Variants in SLC39A12 observed in about 807,000 individuals in gnomAD.
The protein encoded by SLC39A12 is zinc transporter ZIP12.
In SLC39A12, 63 loss-of-function variants were observed where a neutral mutation model predicts 71.1. The observed-to-expected ratio is 0.89, with a 90% confidence interval of 0.72 to 1.09. The LOEUF (loss-of-function observed/expected upper bound fraction) is 1.09. Among genes scored for constraint, SLC39A12 ranks in the 50% least tolerant of loss-of-function variants. The pLI is 0.00. For synonymous variants in SLC39A12, 351 were observed against 301.3 expected (o/e 1.16, Z -1.71); for missense variants, 892 against 812.6 (o/e 1.10, Z -1.19).
At chr10:18,003,121 G>A in intron 11 of SLC39A12, 50 bp from the exon 12 acceptor site, 1 of 1,552,864 alleles carries the variant, frequency 6.4e-7, no homozygotes, top group South Asian at 1.2e-5. Flanking sequence ...TTTAGCAAAG[G>A]CGTCTTCCAT....
At chr10:18,003,394 G>A in intron 12 of SLC39A12, 36 bp downstream of exon 12, 1 of 1,562,576 alleles carries the variant, frequency 6.4e-7, no homozygotes, top group Non-Finnish European at 8.7e-7. Flanking sequence ...ATTTTTCTAA[G>A]CACTGAAAAT....
intron 2 of SLC39A12, among the ~76,000 whole-genome samples, chr10:17,954,750 A>ATGCTTTC: frequency 6.6e-6 from 1 of 151,696 alleles, no homozygotes; most frequent in East Asian, 1.9e-4. Flanking sequence ...AAGCATACAT[A>ATGCTTTC]AATAAGTAAA....
chr10:18,013,348 TA>T (rs199940731), intron 12 of SLC39A12, among the ~76,000 whole-genome samples: 2,628 of 32,682 alleles, frequency 0.08, 79 homozygotes, highest in African/African-American at 0.17. Flanking sequence ...CAACTTTATT[TA>T]TTATTATTAT....
chr10:18,000,936 C>A, intron 11 of SLC39A12, 111 bp downstream of exon 11: 14 of 1,025,798 alleles, frequency 1.4e-5, no homozygotes, highest in Non-Finnish European at 2.0e-5. Context: ...AAGATGAATA[C>A]TTTCCTTTTA....
chr10:17,989,276 A>T (rs569258465), intron 7 of SLC39A12, among the ~76,000 whole-genome samples: 2 of 152,240 alleles, frequency 1.3e-5, no homozygotes, highest in African/African-American at 4.8e-5. Flanking sequence ...TCGAGGCTCA[A>T]TTGTTATTCA....
At chr10:17,985,897 A>G (rs1835385598) in intron 6 of SLC39A12, among the ~76,000 whole-genome samples, 2 of 152,198 alleles carry the variant, frequency 1.3e-5, no homozygotes, top group South Asian at 2.1e-4. Flanking sequence ...AGTCATTGCA[A>G]TCATCCAAAA....
intron 4 of SLC39A12, among the ~76,000 whole-genome samples, chr10:17,968,876 T>C (rs1834898523): frequency 6.6e-6 from 1 of 152,212 alleles, no homozygotes; most frequent in Admixed American, 6.5e-5. Context: ...TGTCGTGCTA[T>C]CAAATAATAG....
At chr10:18,042,518 T>C (rs1202701078) in intron 12 of SLC39A12, among the ~76,000 whole-genome samples, 187 bp from the exon 13 acceptor site, 1 of 139,778 alleles carries the variant, frequency 7.2e-6, no homozygotes, top group East Asian at 2.2e-4. Context: ...ATAACCACAA[T>C]CAAATGGCTT....
At chr10:18,036,289 T>C (rs1328105849) in intron 12 of SLC39A12, among the ~76,000 whole-genome samples, 6 of 152,240 alleles carry the variant, frequency 3.9e-5, no homozygotes, top group South Asian at 2.1e-4. Flanking sequence ...GCTGTGCCAG[T>C]AATCAGTGAG....
At chr10:18,002,904 C>G (rs1416848217) in intron 11 of SLC39A12, 1 of 305,028 alleles carries the variant, frequency 3.3e-6, no homozygotes. Context: ...ATCAAGAACT[C>G]AAGAATATGT....
chr10:17,985,561 C>A (rs1835377731), intron 6 of SLC39A12, among the ~76,000 whole-genome samples: 1 of 151,790 alleles, frequency 6.6e-6, no homozygotes, highest in Non-Finnish European at 1.5e-5. Context: ...AGTTTAATTT[C>A]ATAATTAGCT....
intron 5 of SLC39A12, among the ~76,000 whole-genome samples, chr10:17,979,800 T>C (rs115404843): frequency 0.019 from 2,832 of 152,244 alleles, 89 homozygotes; most frequent in African/African-American, 0.064. Flanking sequence ...CTGATTGAAC[T>C]AAATGGATGC....
intron 4 of SLC39A12, 92 bp downstream of exon 4, chr10:17,965,782 C>A: frequency 9.7e-7 from 1 of 1,031,776 alleles, no homozygotes. Context: ...TGACTGAATT[C>A]GTTCAGGTAT....
At chr10:18,031,251 T>G (rs1004369421) in intron 12 of SLC39A12, among the ~76,000 whole-genome samples, 18 of 144,938 alleles carry the variant, frequency 1.2e-4, no homozygotes, top group African/African-American at 1.3e-4. Flanking sequence ...TGAACTAGTT[T>G]ACAGTCCCAC....
intron 12 of SLC39A12, among the ~76,000 whole-genome samples, chr10:18,022,202 T>C (rs1836551683): frequency 1.3e-5 from 2 of 152,204 alleles, no homozygotes; most frequent in South Asian, 4.1e-4. Context: ...TGAAGGACAG[T>C]ATCCTCAAAT....
At chr10:18,024,612 CTA>C (rs1836623996) in intron 12 of SLC39A12, among the ~76,000 whole-genome samples, 1 of 152,176 alleles carries the variant, frequency 6.6e-6, no homozygotes, top group African/African-American at 2.4e-5. Context: ...ACTTGCCACT[CTA>C]TGTCTTCTCT....
chr10:18,042,879 C>T lies in SLC39A12; in HGVS notation c.*46C>T, dbSNP rs1589266272. ...TCAAAAATGCATTTATATAGTCTTA[C>T]TTTGTTTCTTTCATTGCACTCTATA... On this transcript the variant is annotated 3_prime_UTR_variant, in exon 13 of 13. Transcript: ENST00000377369. 6.5e-7 allele frequency: 1 copy of T among 1,529,802 alleles called. No homozygotes were observed. Among genetic ancestry groups the T allele is most frequent in the African/African-American group, 1.4e-5 (1 of 71,402 alleles). 94.8% of individuals were successfully genotyped at this position (1,529,802 alleles called of 1,614,324 possible). A position where few individuals can be genotyped will look rare whatever the true frequency, so the allele number is the denominator to read the frequency against.
At chr10:17,985,002 A>C (rs1203522425) in intron 6 of SLC39A12, among the ~76,000 whole-genome samples, 1 of 152,216 alleles carries the variant, frequency 6.6e-6, no homozygotes, top group African/African-American at 2.4e-5. Context: ...GTTTCAGTAA[A>C]GTCCTCTTAA....
At chr10:18,030,651 TTTATTA>T (rs1211358140) in intron 12 of SLC39A12, among the ~76,000 whole-genome samples, 2 of 146,488 alleles carry the variant, frequency 1.4e-5, no homozygotes, top group African/African-American at 2.5e-5. Context: ...TTTATTTATT[TTTATTA>T]TACTTTAAGT....
Sources: gnomAD v4.1 joint callset for allele counts (sites outside exome capture counted in the v4.1 genomes callset) on GRCh38, gnomAD v4.1.1 for gene constraint, MANE v1.5 for transcripts, NCBI Gene and HGNC (gene_info 2026-07-23, HGNC 2026-07-21) for gene names.